The following SGCD variants were observed in gnomAD, a reference collection of about 807,000 sequenced individuals.
SGCD encodes the protein sarcoglycan delta.
In SGCD, 18 loss-of-function variants were observed where a neutral mutation model predicts 36.6. The observed-to-expected ratio is 0.49, with a 90% CI of 0.34 to 0.73. SGCD has a LOEUF of 0.73. Among genes scored for constraint, SGCD ranks in the 30% least tolerant of loss-of-function variants. The pLI is 0.01. For synonymous variants in SGCD, 133 were observed against 130.6 expected (o/e 1.02, Z -0.12); for missense variants, 387 against 346.7 (o/e 1.12, Z -0.92).
At chr5:155,803,115 CA>C in the SGCD span, among the ~76,000 whole-genome samples, 1 of 152,208 alleles carries the variant, frequency 6.6e-6, no homozygotes, top group African/African-American at 2.4e-5. Context: ...AGCATTCTTT[CA>C]AGATGTAGAT....
At chr5:156,522,019 A>T (rs1275009081) in intron 4 of SGCD, among the ~76,000 whole-genome samples, 13 of 152,218 alleles carry the variant, frequency 8.5e-5, no homozygotes, top group African/African-American at 3.1e-4. Context: ...GCAGCCATAA[A>T]AAAGGATGAG....
chr5:156,582,420 A>C (rs1451650865), intron 4 of SGCD, among the ~76,000 whole-genome samples: 1 of 152,132 alleles, frequency 6.6e-6, no homozygotes, highest in East Asian at 1.9e-4. Flanking sequence ...GAGCTCTAGC[A>C]TTCCTGTCCA....
chr5:156,016,069 C>T (rs1758970968), intron 1 of SGCD, among the ~76,000 whole-genome samples: 2 of 152,060 alleles, frequency 1.3e-5, no homozygotes, highest in African/African-American at 4.8e-5. Context: ...CAATTTCAAT[C>T]TCCCTTCTTT....
At chr5:156,501,612 C>T (rs933840159) in intron 3 of SGCD, among the ~76,000 whole-genome samples, 9 of 152,220 alleles carry the variant, frequency 5.9e-5, no homozygotes, top group Admixed American at 3.3e-4. Context: ...GCCCCCTTCC[C>T]CTGCCCCTAG....
chr5:156,318,282 T>C (rs1187197271), intron 3 of SGCD, among the ~76,000 whole-genome samples: 1 of 152,192 alleles, frequency 6.6e-6, no homozygotes, highest in Non-Finnish European at 1.5e-5. Context: ...GGATAATTAA[T>C]GCATTTAAAC....
intron 7 of SGCD, among the ~76,000 whole-genome samples, chr5:156,732,982 G>A (rs2113018800): frequency 6.6e-6 from 1 of 151,998 alleles, no homozygotes; most frequent in East Asian, 1.9e-4. Flanking sequence ...TGTCTGCCTA[G>A]CAGTCTACCT....
chr5:156,028,574 A>G (rs1291159179), intron 1 of SGCD, among the ~76,000 whole-genome samples: 4 of 152,182 alleles, frequency 2.6e-5, no homozygotes, highest in Admixed American at 2.0e-4. Flanking sequence ...TGCATGGTAT[A>G]TAGGAATTGG....
chr5:156,387,313 A>G (rs1178953427), intron 3 of SGCD, among the ~76,000 whole-genome samples: 1 of 152,224 alleles, frequency 6.6e-6, no homozygotes. Context: ...TGGGTGCAGT[A>G]TTGAACACCG....
At chr5:155,799,503 C>T in the SGCD span, among the ~76,000 whole-genome samples, 1 of 151,814 alleles carries the variant, frequency 6.6e-6, no homozygotes, top group East Asian at 2.0e-4. Flanking sequence ...AAGCAATCCT[C>T]CCACTTGATC....
chr5:156,712,431 C>A (rs1581443526), intron 7 of SGCD, among the ~76,000 whole-genome samples: 1 of 152,146 alleles, frequency 6.6e-6, no homozygotes, highest in Non-Finnish European at 1.5e-5. Context: ...AAGTCATATT[C>A]AAAAAATTAA....
chr5:156,625,489 T>C (rs780806952), intron 6 of SGCD, among the ~76,000 whole-genome samples: 5 of 152,224 alleles, frequency 3.3e-5, no homozygotes, highest in Non-Finnish European at 7.3e-5. Context: ...GTGAGTTCTG[T>C]TGGTGACAGA....
chr5:156,297,230 C>T (rs969943828), intron 3 of SGCD, among the ~76,000 whole-genome samples: 5 of 151,992 alleles, frequency 3.3e-5, no homozygotes, highest in Non-Finnish European at 5.9e-5. Context: ...GTCAGTGTGG[C>T]GATTCCTCAG....
At chr5:156,031,976 A>C (rs1759357157) in intron 1 of SGCD, among the ~76,000 whole-genome samples, 1 of 152,168 alleles carries the variant, frequency 6.6e-6, no homozygotes, top group Admixed American at 6.5e-5. Context: ...AAATTAGATG[A>C]TATAGATAGA....
chr5:156,471,722 T>C (rs1754971127), intron 3 of SGCD, among the ~76,000 whole-genome samples: 1 of 152,076 alleles, frequency 6.6e-6, no homozygotes, highest in South Asian at 2.1e-4. Context: ...GAGATTATCT[T>C]TATAAGTTTG....
chr5:156,007,520 A>G (rs2127569714), intron 1 of SGCD, among the ~76,000 whole-genome samples: 1 of 152,328 alleles, frequency 6.6e-6, no homozygotes, highest in South Asian at 2.1e-4. Context: ...TCCACTGAAA[A>G]GTGTTGCATT....
intron 7 of SGCD, among the ~76,000 whole-genome samples, chr5:156,740,402 T>A (rs553260508): frequency 2.8e-4 from 42 of 152,322 alleles, no homozygotes; most frequent in African/African-American, 9.9e-4. Flanking sequence ...GAAGAAATTG[T>A]TTGAAAAATA....
chr5:156,413,058 A>T (rs1486665146), intron 3 of SGCD, among the ~76,000 whole-genome samples: 1 of 151,408 alleles, frequency 6.6e-6, no homozygotes, highest in Non-Finnish European at 1.5e-5. Context: ...CGGCCTCCCA[A>T]AGTGCTGGGA....
Position 156,131,694 on chromosome 5 carries a change from GA to G in SGCD, c.-44+7683del, listed in dbSNP as rs201079305. ...ATGAAGTGGACCCTGTTGCTCAACA[GA>G]AAAAAAAGGCATTTAATTACTACAT... On this transcript the variant is annotated intron_variant, in intron 3 of 9. Transcript: ENST00000517913. 7.2e-3 allele frequency among the ~76,000 whole-genome samples: 1,095 copies of G among 151,650 alleles called. 9 individuals carry two copies. The highest frequency in any genetic ancestry group is 0.017 in the Middle Eastern group (5 of 294).
In SGCD at chr5:156,348,978, G is replaced by A. The variant is rs1237358767; in HGVS notation, c.192+4301G>A. On this transcript the variant is annotated intron_variant, in intron 3 of 8. Coordinates refer to ENST00000337851, the MANE Select transcript of SGCD (RefSeq NM_000337.6). ...TTAAAATCAGCTGATCTTTTACAAA[G>A]TATACAAAAACATAAATTGGAGAAA... is the stretch of plus-strand genomic sequence containing the variant. Among the ~76,000 whole-genome samples the A allele has an allele frequency of 2.0e-5, 3 of 151,812 alleles. No individual in the cohort carries two copies. The South Asian group carries it at 6.3e-4, about 32-fold the overall frequency.
Sources: allele counts gnomAD v4.1 joint callset (sites outside exome capture counted in the v4.1 genomes callset), GRCh38; gene constraint gnomAD v4.1.1; transcripts MANE v1.5; gene names NCBI Gene and HGNC (gene_info 2026-07-23, HGNC 2026-07-21).